ADAMTS2: variants seen among roughly 807,000 people sequenced by gnomAD.
ADAMTS2 encodes A disintegrin and metalloproteinase with thrombospondin motifs 2.
ADAMTS2 carries 50 observed loss-of-function variants against 123.0 expected under a neutral mutation model. The observed-to-expected ratio is 0.41, with a 90% confidence interval of 0.32 to 0.51. The LOEUF (loss-of-function observed/expected upper bound fraction) is 0.51, where lower values mean the gene tolerates loss of function less well. Among genes scored for constraint, ADAMTS2 ranks in the 20% least tolerant of loss-of-function variants. The probability of loss-of-function intolerance (pLI) is 0.35; values close to 1 mark genes in which losing one functional copy is unlikely to be tolerated. For missense variants in ADAMTS2, 1,494 were observed against 1,705.2 expected, an observed-to-expected ratio of 0.88 and a Z score of 2.18; for synonymous variants, 678 against 695.4, an observed-to-expected ratio of 0.98 and a Z score of 0.39.
Position 179,266,603 on chromosome 5 carries a change from T to G in ADAMTS2, c.688+6308A>C, listed in dbSNP as rs553956048. ...TTCTGAGCTCCCGAACTGTGAGGAA[T>G]GCAGGTGTGCTGTTTTAAGCCATTA... is the stretch of plus-strand genomic sequence containing the variant. On this transcript the variant is annotated intron_variant, in intron 3 of 21. Coordinates refer to ENST00000251582, the MANE Select transcript of ADAMTS2 (RefSeq NM_014244.5). Among the ~76,000 whole-genome samples, 98 of 152,350 alleles carry G rather than the reference T, an allele frequency of 6.4e-4. 1 individual carries two copies. The highest frequency in any genetic ancestry group is 1.7e-3 in the African/African-American group (72 of 41,580).
At chr5:179,327,692 C>A (rs1757351524) in intron 2 of ADAMTS2, among the ~76,000 whole-genome samples, 1 of 152,194 alleles carries the variant, frequency 6.6e-6, no homozygotes, top group Non-Finnish European at 1.5e-5. Context: ...CAAGGTTTGT[C>A]CACTTTGGGT....
At chr5:179,210,322 G>T (rs1764820545) in intron 3 of ADAMTS2, among the ~76,000 whole-genome samples, 1 of 152,262 alleles carries the variant, frequency 6.6e-6, no homozygotes, top group Admixed American at 6.5e-5. Flanking sequence ...CATCGGGACA[G>T]AGCTGGGCTG....
chr5:179,149,318 A>G (rs1763308458), intron 10 of ADAMTS2, among the ~76,000 whole-genome samples: 1 of 152,212 alleles, frequency 6.6e-6, no homozygotes, highest in South Asian at 2.1e-4. Flanking sequence ...GGGTCCTCCC[A>G]GAAGCCAACC....
At chr5:179,116,487 G>A (rs899265328) in intron 21 of ADAMTS2, among the ~76,000 whole-genome samples, 4 of 152,180 alleles carry the variant, frequency 2.6e-5, no homozygotes, top group African/African-American at 9.7e-5. Flanking sequence ...GAGCAGGTAA[G>A]GTCTCTGCAG....
intron 21 of ADAMTS2, chr5:179,120,523 C>G (rs886089775): frequency 2.0e-5 from 3 of 151,328 alleles, no homozygotes; most frequent in African/African-American, 7.3e-5. Flanking sequence ...GTCAGAGCCG[C>G]GGGAGTAGGG....
At chr5:179,226,301 C>T (rs1437625932) in intron 3 of ADAMTS2, among the ~76,000 whole-genome samples, 9 of 144,408 alleles carry the variant, frequency 6.2e-5, no homozygotes, top group African/African-American at 2.1e-4. Flanking sequence ...GACAGAGTCT[C>T]TGTCACCCAG....
At position 179,181,773 on chromosome 5, in the gene ADAMTS2, C is replaced by T. The variant is rs529753022; in HGVS notation, c.892-618G>A. On this transcript the variant is annotated intron_variant, in intron 4 of 21. Transcript: ENST00000251582. This position sits in a 1 kb window ranked among gnomAD's most constrained non-coding sequence, Gnocchi z 4.1. Reference sequence around the variant, plus strand: ...TATTTATCACAATCATATTCTTACACGTGTTTCATTCTTCACATTTAAAAC... The same window carrying T: ...TATTTATCACAATCATATTCTTACATGTGTTTCATTCTTCACATTTAAAAC... Among the ~76,000 whole-genome samples, 16 of 152,330 alleles carry T rather than the reference C, an allele frequency of 1.1e-4. No individual in the cohort carries two copies. In the South Asian group the frequency reaches 2.7e-3, roughly 26 times the overall value.
At chr5:179,154,761 C>T (rs1763435787) in intron 7 of ADAMTS2, 53 bp downstream of exon 7, 1 of 1,452,040 alleles carries the variant, frequency 6.9e-7, no homozygotes, top group Admixed American at 1.9e-5. Context: ...GCAGCCAGGG[C>T]TGGGGATCCT....
intron 10 of ADAMTS2, among the ~76,000 whole-genome samples, chr5:179,148,512 G>A (rs1015503056): frequency 1.3e-5 from 2 of 152,100 alleles, no homozygotes; most frequent in South Asian, 2.1e-4. Context: ...TGCTGAGGTC[G>A]CATCCCTGTG....
At chr5:179,179,960 G>A (rs1340583486) in intron 5 of ADAMTS2, among the ~76,000 whole-genome samples, 5 of 152,276 alleles carry the variant, frequency 3.3e-5, no homozygotes, top group African/African-American at 9.6e-5. Context: ...CCAGACCACA[G>A]GCTCGAATTC....
Position 179,189,510 on chromosome 5 carries a change from G to GCTTTTTTTTTTTTTT in ADAMTS2, c.892-8356_892-8355insAAAAAAAAAAAAAAG, listed in dbSNP as rs1554128903. On this transcript the variant is annotated intron_variant, in intron 4 of 21. Transcript: ENST00000251582. The surrounding 1 kb of genome is among the most constrained non-coding windows in gnomAD (Gnocchi z 4.2). ...CTACAGGCGCCCGCCAGTGCGCCTG[G>GCTTTTTTTTTTTTTT]TTTTTTTTTTTTTTTTTTTTTTTTT... 1.6e-4 allele frequency among the ~76,000 whole-genome samples: 13 copies of GCTTTTTTTTTTTTTT among 78,946 alleles called. 4 individuals are homozygous for GCTTTTTTTTTTTTTT. The highest frequency in any genetic ancestry group is 5.2e-4 in the Admixed American group (3 of 5,804). The allele number at this position is 78,946 out of a possible 152,430, so 51.8% of individuals were successfully genotyped here. A position where few individuals can be genotyped will look rare whatever the true frequency, so the allele number is the denominator to read the frequency against.
intron 2 of ADAMTS2, among the ~76,000 whole-genome samples, chr5:179,286,399 G>A (rs1461155809): frequency 1.3e-5 from 2 of 151,734 alleles, no homozygotes; most frequent in African/African-American, 2.4e-5. Flanking sequence ...CAGCACGCCT[G>A]AGCACCAGCA....
chr5:179,135,487 C>G (rs1032167386), intron 13 of ADAMTS2, among the ~76,000 whole-genome samples: 8 of 152,226 alleles, frequency 5.3e-5, no homozygotes, highest in African/African-American at 1.9e-4. Context: ...AAGCACCAAA[C>G]CAGTGACCCT....
At chr5:179,174,556 T>G (rs1364862179) in intron 5 of ADAMTS2, among the ~76,000 whole-genome samples, 2 of 152,234 alleles carry the variant, frequency 1.3e-5, no homozygotes, top group Non-Finnish European at 2.9e-5. Flanking sequence ...AATTTCCTAT[T>G]TATTAAATTT....
intron 2 of ADAMTS2, among the ~76,000 whole-genome samples, chr5:179,304,397 T>C (rs1293258000): frequency 6.6e-6 from 1 of 152,180 alleles, no homozygotes; most frequent in Non-Finnish European, 1.5e-5. Flanking sequence ...ATGTTGGAAT[T>C]AACTGACAAT....
rs11746118 is a variant in ADAMTS2, at chr5:179,202,250, C to T, written c.891+5263G>A. On this transcript the variant is annotated intron_variant, in intron 4 of 21. Transcript: ENST00000251582. The surrounding 1 kb of genome is among the most constrained non-coding windows in gnomAD (Gnocchi z 4.0). Reference sequence around the variant, plus strand: ...GCCAGGCTGCCTCCATTCTTCCAGCCGGCCCCATTCCTGCCTCAGGGCCTT... The same window carrying T: ...GCCAGGCTGCCTCCATTCTTCCAGCTGGCCCCATTCCTGCCTCAGGGCCTT... Among the ~76,000 whole-genome samples the T allele has an allele frequency of 1.5e-4, 23 of 152,100 alleles. No homozygotes were observed. Among genetic ancestry groups the T allele is most frequent in the Admixed American group, 1.0e-3 (16 of 15,304 alleles).
Position 179,317,684 on chromosome 5 carries a change from C to T in ADAMTS2, c.534+26083G>A, listed in dbSNP as rs923117116. Reference sequence around the variant, plus strand: ...GACACATGCCCCACACAAACGCCCCCACATGTGCATCGCATACATCACCCA... The same window carrying T: ...GACACATGCCCCACACAAACGCCCCTACATGTGCATCGCATACATCACCCA... On this transcript the variant is annotated intron_variant, in intron 2 of 21. Coordinates refer to ENST00000251582, the MANE Select transcript of ADAMTS2 (RefSeq NM_014244.5). The surrounding 1 kb of genome is among the most constrained non-coding windows in gnomAD (Gnocchi z 4.9). Among the ~76,000 whole-genome samples the T allele has an allele frequency of 4.6e-5, 7 of 152,206 alleles. No homozygotes were observed. The highest frequency in any genetic ancestry group is 8.8e-5 in the Non-Finnish European group (6 of 68,032).
chr5:179,122,714 G>A lies in ADAMTS2; in HGVS notation c.3018C>T (p.Asp1006=), dbSNP rs150535792. Residue 1006 remains aspartate, a synonymous_variant, in exon 20 of 22, where the codon GAC becomes GAT. Transcript: ENST00000251582. ...QERPVLCRTA[D]DSFGICQEER... Reference sequence around the variant, plus strand: ...CCTCCTGGCAGATGCCGAAGCTGTCGTCCGCGGTGCGGCAGAGCACTGGCC... The same window carrying A: ...CCTCCTGGCAGATGCCGAAGCTGTCATCCGCGGTGCGGCAGAGCACTGGCC... 319 of 1,552,074 alleles carry A rather than the reference G, an allele frequency of 2.1e-4. 1 individual carries two copies. The highest frequency in any genetic ancestry group is 5.7e-4 in the South Asian group (48 of 84,160).
At chr5:179,166,667 C>T (rs1261296717) in intron 5 of ADAMTS2, among the ~76,000 whole-genome samples, 1 of 152,232 alleles carries the variant, frequency 6.6e-6, no homozygotes, top group Non-Finnish European at 1.5e-5. Flanking sequence ...TCTGAGCTGC[C>T]CGCCGGGTCC....
Sources: gnomAD v4.1 joint callset for allele counts (sites outside exome capture counted in the v4.1 genomes callset) on GRCh38, gnomAD v4.1.1 for gene constraint, Gnocchi (gnomAD v3.1) non-coding constraint, MANE v1.5 for transcripts, NCBI Gene and HGNC (gene_info 2026-07-23, HGNC 2026-07-21) for gene names.